The following PALM2AKAP2 variants were observed in gnomAD, a reference collection of about 807,000 sequenced individuals.
PALM2AKAP2 encodes PALM2 and AKAP2 fusion, also known as PALM2-AKAP2 fusion protein.
Under a neutral mutation model 71.5 loss-of-function variants are expected in PALM2AKAP2, and 37 were observed. The ratio of observed to expected loss-of-function variants is 0.52; its 90% CI spans 0.40 to 0.68. The LOEUF (loss-of-function observed/expected upper bound fraction) is 0.68. PALM2AKAP2 is among the 30% of genes least tolerant of loss of function. The pLI, the probability that PALM2AKAP2 is intolerant of heterozygous loss-of-function variation, is 0.00. For missense variants in PALM2AKAP2, 1,224 were observed against 1,191.8 expected, an observed-to-expected ratio of 1.03 and a Z score of -0.40; for synonymous variants, 468 against 478.8, an observed-to-expected ratio of 0.98 and a Z score of 0.29.
intron 1 of PALM2AKAP2, among the ~76,000 whole-genome samples, chr9:110,085,754 A>T (rs957094302): frequency 2.0e-5 from 3 of 152,204 alleles, no homozygotes; most frequent in Non-Finnish European, 4.4e-5. Flanking sequence ...TAAAACTGAT[A>T]AATAGAAAGC....
chr9:109,886,171 G>A (rs1829960558), intron 3 of PALM2AKAP2, among the ~76,000 whole-genome samples: 1 of 152,172 alleles, frequency 6.6e-6, no homozygotes, highest in African/African-American at 2.4e-5. Context: ...TCTTTTTGGA[G>A]TGACGTATTG....
At chr9:109,922,655 T>A (rs761021292) in intron 3 of PALM2AKAP2, among the ~76,000 whole-genome samples, 33 of 152,240 alleles carry the variant, frequency 2.2e-4, no homozygotes, top group South Asian at 1.9e-3. Flanking sequence ...CAAGAGAACA[T>A]TTATCCCTTC....
At chr9:109,923,094 A>T (rs1830874272) in intron 3 of PALM2AKAP2, among the ~76,000 whole-genome samples, 1 of 152,242 alleles carries the variant, frequency 6.6e-6, no homozygotes. Flanking sequence ...CTATTCTGGA[A>T]TATTTCCAGA....
At chr9:109,701,426 C>T (rs903331739) in intron 1 of PALM2AKAP2, among the ~76,000 whole-genome samples, 6 of 152,196 alleles carry the variant, frequency 3.9e-5, no homozygotes, top group Non-Finnish European at 8.8e-5. Context: ...ACAGAGCCCT[C>T]AGAAATAATA....
At chr9:110,154,707 A>C (rs926133258) in intron 2 of PALM2AKAP2, among the ~76,000 whole-genome samples, 4 of 152,220 alleles carry the variant, frequency 2.6e-5, no homozygotes, top group African/African-American at 4.8e-5. Flanking sequence ...CAAAGCAACA[A>C]ATTTCACTGT....
intron 6 of PALM2AKAP2, among the ~76,000 whole-genome samples, chr9:109,985,188 C>CA (rs1564245840): frequency 1.3e-5 from 2 of 150,646 alleles, no homozygotes; most frequent in Non-Finnish European, 3.0e-5. Flanking sequence ...AAAAACAAAA[C>CA]AAAACAAAAA....
chr9:110,017,935 C>T (rs1364512060), intron 7 of PALM2AKAP2, among the ~76,000 whole-genome samples: 1 of 152,022 alleles, frequency 6.6e-6, no homozygotes, highest in Non-Finnish European at 1.5e-5. Flanking sequence ...ACCATGTTGG[C>T]CAGGTTGGTC....
chr9:109,879,309 T>C (rs1361821702), intron 2 of PALM2AKAP2, among the ~76,000 whole-genome samples: 2 of 152,218 alleles, frequency 1.3e-5, no homozygotes, highest in African/African-American at 4.8e-5. Flanking sequence ...TTAGGTGGCT[T>C]AATAGTCATT....
upstream of PALM2AKAP2, among the ~76,000 whole-genome samples, chr9:109,775,633 G>A (rs1308759242): frequency 6.6e-6 from 1 of 152,234 alleles, no homozygotes; most frequent in Non-Finnish European, 1.5e-5. Context: ...AAACATTTGA[G>A]GGGATCCTGG....
chr9:109,747,852 G>A (rs977740366), intron 1 of PALM2AKAP2, among the ~76,000 whole-genome samples: 7 of 152,020 alleles, frequency 4.6e-5, no homozygotes, highest in African/African-American at 1.2e-4. Context: ...TGTATTTTTG[G>A]TAGAGACAGG....
At chr9:110,019,229 ACT>A (rs1833031769) in intron 7 of PALM2AKAP2, among the ~76,000 whole-genome samples, 1 of 134,128 alleles carries the variant, frequency 7.5e-6, no homozygotes, top group South Asian at 2.3e-4. Flanking sequence ...AAACAGCAAG[ACT>A]CTGTCTCAAA....
chr9:109,693,142 C>T (rs1827922474), intron 1 of PALM2AKAP2, among the ~76,000 whole-genome samples: 1 of 151,880 alleles, frequency 6.6e-6, no homozygotes, highest in African/African-American at 2.4e-5. Flanking sequence ...ATGCTGAACT[C>T]AATTTATTTA....
At chr9:109,884,370 G>A (rs536914897) in intron 3 of PALM2AKAP2, among the ~76,000 whole-genome samples, 2 of 152,170 alleles carry the variant, frequency 1.3e-5, no homozygotes, top group Non-Finnish European at 1.5e-5. Context: ...GTTGAGGCAC[G>A]AGAATCGCTT....
intron 1 of PALM2AKAP2, among the ~76,000 whole-genome samples, chr9:109,701,874 C>A (rs1262498975): frequency 1.3e-5 from 2 of 152,032 alleles, no homozygotes; most frequent in Non-Finnish European, 2.9e-5. Flanking sequence ...CCAGAATCTA[C>A]AATGAACTCA....
upstream of PALM2AKAP2, among the ~76,000 whole-genome samples, chr9:109,777,054 C>A (rs1829358767): frequency 6.6e-6 from 1 of 152,184 alleles, no homozygotes; most frequent in Non-Finnish European, 1.5e-5. Context: ...GATTAGGAAC[C>A]ATGTTTTAGT....
At chr9:110,007,285 T>C (rs1319393285) in intron 6 of PALM2AKAP2, among the ~76,000 whole-genome samples, 1 of 152,172 alleles carries the variant, frequency 6.6e-6, no homozygotes, top group African/African-American at 2.4e-5. Flanking sequence ...CAATCAATCC[T>C]CTGTTGTTTA....
chr9:110,011,060 A>G (rs984167718), intron 6 of PALM2AKAP2, among the ~76,000 whole-genome samples: 1 of 142,578 alleles, frequency 7.0e-6, no homozygotes, highest in Non-Finnish European at 1.5e-5. Flanking sequence ...AGTATACAAA[A>G]GTATATTTAT....
chr9:109,897,114 T>C (rs2131835232), intron 3 of PALM2AKAP2, among the ~76,000 whole-genome samples: 1 of 152,318 alleles, frequency 6.6e-6, no homozygotes, highest in South Asian at 2.1e-4. Context: ...AGCATAAGTA[T>C]AGAGTTGAGG....
chr9:110,124,893 G>A (rs1207384762), intron 1 of PALM2AKAP2, among the ~76,000 whole-genome samples: 2 of 152,070 alleles, frequency 1.3e-5, no homozygotes, highest in East Asian at 1.9e-4. Context: ...AAAAAAGTTG[G>A]CACAGAATTG....
Sources: allele counts gnomAD v4.1 joint callset (sites outside exome capture counted in the v4.1 genomes callset), GRCh38; gene constraint gnomAD v4.1.1; transcripts MANE v1.5; gene names NCBI Gene and HGNC (gene_info 2026-07-23, HGNC 2026-07-21).